The following CAMTA1 variants were observed in gnomAD, a reference collection of about 807,000 sequenced individuals.
CAMTA1 encodes the protein calmodulin-binding transcription activator 1.
In CAMTA1, 27 loss-of-function variants were observed where a neutral mutation model predicts 170.9. The observed-to-expected ratio is 0.16, with a 90% CI of 0.12 to 0.22. The LOEUF (loss-of-function observed/expected upper bound fraction) is 0.22. Among genes scored for constraint, CAMTA1 ranks in the 10% least tolerant of loss-of-function variants. CAMTA1 has a pLI of 1.00. For synonymous variants in CAMTA1, 833 were observed against 891.5 expected, an observed-to-expected ratio of 0.93 and a Z score of 1.17; for missense variants, 1,619 against 2,217.2, an observed-to-expected ratio of 0.73 and a Z score of 5.42.
chr1:7,531,618 TC>T (rs1258669874), intron 6 of CAMTA1, among the ~76,000 whole-genome samples: 1 of 152,178 alleles, frequency 6.6e-6, no homozygotes, highest in Non-Finnish European at 1.5e-5. Flanking sequence ...TGTGCCCGGA[TC>T]CCCTAGGCTG....
intron 7 of CAMTA1, among the ~76,000 whole-genome samples, chr1:7,647,167 C>T (rs1409315181): frequency 1.3e-5 from 2 of 152,146 alleles, no homozygotes; most frequent in Non-Finnish European, 2.9e-5. Context: ...CCCAGCCTCC[C>T]TCCCTCTGTT....
At chr1:7,184,552 C>T (rs1021384792) in intron 4 of CAMTA1, among the ~76,000 whole-genome samples, 1 of 151,880 alleles carries the variant, frequency 6.6e-6, no homozygotes, top group African/African-American at 2.4e-5. Context: ...AATAAGAAAA[C>T]ATACACAGAT....
chr1:7,229,622 G>C (rs1398417028), intron 4 of CAMTA1, among the ~76,000 whole-genome samples: 4 of 144,588 alleles, frequency 2.8e-5, no homozygotes, highest in East Asian at 4.2e-4. Context: ...TAGGAGGAGA[G>C]GGGGAAGGAG....
At chr1:7,684,738 AAT>A (rs1366476214) in intron 11 of CAMTA1, among the ~76,000 whole-genome samples, 2 of 152,158 alleles carry the variant, frequency 1.3e-5, no homozygotes, top group Non-Finnish European at 2.9e-5. Flanking sequence ...TCCATTTCCA[AAT>A]CAAGTCCCAT....
chr1:7,258,758 T>C (rs1341066794), intron 5 of CAMTA1, among the ~76,000 whole-genome samples: 1 of 152,228 alleles, frequency 6.6e-6, no homozygotes, highest in Non-Finnish European at 1.5e-5. Flanking sequence ...GGAACGTTGC[T>C]GGGGAAGTTT....
Position 7,482,968 on chromosome 1 carries a change from GA to G in CAMTA1, c.510+15068del, listed in dbSNP as rs2093561630. Among the ~76,000 whole-genome samples the G allele has an allele frequency of 6.6e-6, 1 of 152,184 alleles. No homozygotes were observed. The highest frequency in any genetic ancestry group is 2.4e-5 in the African/African-American group (1 of 41,442). On this transcript the variant is annotated intron_variant, in intron 6 of 22. Coordinates refer to ENST00000303635, the MANE Select transcript of CAMTA1 (RefSeq NM_015215.4). This position sits in a 1 kb window ranked among gnomAD's most constrained non-coding sequence, Gnocchi z 4.2. ...GCCCCACCCCATGTCATCCCAGGGT[GA>G]GCCTGGAGCCAGTGCCAGCCAACTG...
At chr1:7,593,550 C>T (rs868563753) in intron 6 of CAMTA1, among the ~76,000 whole-genome samples, 4 of 147,386 alleles carry the variant, frequency 2.7e-5, no homozygotes, top group African/African-American at 5.1e-5. Context: ...AGTGCAGTGG[C>T]GTGATCTTGG....
intron 4 of CAMTA1, among the ~76,000 whole-genome samples, chr1:7,241,406 T>G (rs547072433): frequency 6.6e-6 from 1 of 152,340 alleles, no homozygotes; most frequent in South Asian, 2.1e-4. Flanking sequence ...CAACTCCAAT[T>G]AAAATTCTAG....
intron 3 of CAMTA1, among the ~76,000 whole-genome samples, chr1:6,975,470 A>G (rs115361295): frequency 0.013 from 2,006 of 152,244 alleles, 28 homozygotes; most frequent in Middle Eastern, 0.041. Flanking sequence ...AGGGACGGTC[A>G]TCGTTTGTTG....
At chr1:7,538,789 TG>T (rs1166311200) in intron 6 of CAMTA1, among the ~76,000 whole-genome samples, 2 of 152,238 alleles carry the variant, frequency 1.3e-5, no homozygotes, top group African/African-American at 4.8e-5. Flanking sequence ...TCTCCATTGG[TG>T]GCCCTGCCCC....
At position 7,655,277 on chromosome 1, in the gene CAMTA1, CCGTTAT is replaced by C. The variant is rs1236946340; in HGVS notation, c.665-6448_665-6443del. Among the ~76,000 whole-genome samples, 76 of 86,434 alleles carry C rather than the reference CCGTTAT, an allele frequency of 8.8e-4. No individual in the cohort carries two copies. The South Asian group carries it at 0.017, about 19-fold the overall frequency. The allele number at this position is 86,434 out of a possible 152,430, so 56.7% of individuals were successfully genotyped here. On this transcript the variant is annotated intron_variant, in intron 7 of 22. Transcript: ENST00000303635. ...ATACACACAGACCCACCTATACACACCGTTATACACACACACACCTATACACACACA... is the reference window on the plus strand; with the variant it reads ...ATACACACAGACCCACCTATACACACACACACACACACCTATACACACACA...
intron 6 of CAMTA1, among the ~76,000 whole-genome samples, chr1:7,567,841 C>A (rs2095061749): frequency 6.6e-6 from 1 of 152,208 alleles, no homozygotes; most frequent in South Asian, 2.1e-4. Context: ...AAACTCCGGT[C>A]CCAAACAAAC....
intron 3 of CAMTA1, among the ~76,000 whole-genome samples, chr1:7,085,035 C>G (rs555228590): frequency 7.2e-5 from 11 of 152,310 alleles, no homozygotes; most frequent in Admixed American, 5.2e-4. Flanking sequence ...GCAGAACGTG[C>G]AGGTTTGTTA....
chr1:7,043,359 GT>G (rs1704788733), intron 3 of CAMTA1, among the ~76,000 whole-genome samples: 1 of 98,820 alleles, frequency 1.0e-5, no homozygotes, highest in African/African-American at 5.5e-5. Flanking sequence ...ACTTGAGTGT[GT>G]GCATGTCTCT....
At chr1:6,960,384 G>A (rs955375253) in intron 3 of CAMTA1, among the ~76,000 whole-genome samples, 13 of 152,202 alleles carry the variant, frequency 8.5e-5, no homozygotes, top group East Asian at 5.8e-4. Context: ...GAGGAGCTGC[G>A]TGTCCTCCAG....
Position 7,335,756 on chromosome 1 carries a change from T to A in CAMTA1, c.438+86130T>A, listed in dbSNP as rs182582619. Among the ~76,000 whole-genome samples the A allele has an allele frequency of 4.9e-5, 7 of 144,302 alleles. No individual in the cohort carries two copies. The East Asian group carries it at 1.4e-3, about 29-fold the overall frequency. 94.7% of individuals were successfully genotyped at this position (144,302 alleles called of 152,430 possible). A position where few individuals can be genotyped will look rare whatever the true frequency, so the allele number is the denominator to read the frequency against. ...TTTTGCCAGTCAGTGGAGGTAGATGTGTTTATAGATAACGTTAAAAAAAAA... is the reference window on the plus strand; with the variant it reads ...TTTTGCCAGTCAGTGGAGGTAGATGAGTTTATAGATAACGTTAAAAAAAAA... On this transcript the variant is annotated intron_variant, in intron 5 of 22. Coordinates refer to ENST00000303635, the MANE Select transcript of CAMTA1 (RefSeq NM_015215.4).
intron 3 of CAMTA1, among the ~76,000 whole-genome samples, chr1:7,045,485 C>G (rs926708048): frequency 6.6e-6 from 1 of 152,198 alleles, no homozygotes; most frequent in Non-Finnish European, 1.5e-5. Flanking sequence ...TAATTTGTAC[C>G]CCCCAGCAGG....
intron 3 of CAMTA1, among the ~76,000 whole-genome samples, chr1:7,086,752 C>T (rs1178518986): frequency 6.6e-6 from 1 of 152,214 alleles, no homozygotes; most frequent in Non-Finnish European, 1.5e-5. Context: ...AACCTCATTC[C>T]TTTCTATGGC....
intron 3 of CAMTA1, among the ~76,000 whole-genome samples, chr1:6,979,719 T>A (rs577947889): frequency 6.6e-6 from 1 of 152,154 alleles, no homozygotes; most frequent in South Asian, 2.1e-4. Flanking sequence ...CTAAAAATCA[T>A]GAAGCTGAGC....
Sources: allele counts gnomAD v4.1 joint callset (sites outside exome capture counted in the v4.1 genomes callset), GRCh38; gene constraint gnomAD v4.1.1; non-coding constraint Gnocchi (gnomAD v3.1); transcripts MANE v1.5; gene names NCBI Gene and HGNC (gene_info 2026-07-23, HGNC 2026-07-21).